The following RASA2 variants were observed in gnomAD, a reference collection of about 807,000 sequenced individuals.
RASA2 encodes ras GTPase-activating protein 2.
RASA2 carries 155 observed loss-of-function variants against 118.2 expected under a neutral mutation model. That is an observed-to-expected ratio of 1.31 (90% CI 1.15 to 1.50). The LOEUF (loss-of-function observed/expected upper bound fraction) is 1.50, where lower values mean the gene tolerates loss of function less well. Ranked by LOEUF, RASA2 falls within the 40% of genes most tolerant of loss-of-function variation. RASA2 has a pLI of 0.00. For synonymous variants in RASA2, 353 were observed against 349.1 expected, an observed-to-expected ratio of 1.01 and a Z score of -0.12; for missense variants, 1,016 against 1,009.6, an observed-to-expected ratio of 1.01 and a Z score of -0.09.
intron 4 of RASA2, among the ~76,000 whole-genome samples, chr3:141,532,679 T>G (rs549033843): frequency 6.6e-6 from 1 of 152,286 alleles, no homozygotes; most frequent in East Asian, 1.9e-4. Flanking sequence ...GGTTTGTTTG[T>G]TTTTGGTTGA....
intron 1 of RASA2, among the ~76,000 whole-genome samples, chr3:141,487,641 C>T (rs2081594560): frequency 6.6e-6 from 1 of 151,946 alleles, no homozygotes; most frequent in Admixed American, 6.5e-5. Flanking sequence ...GCGGTGGGAG[C>T]CGAGCAGTAA....
rs2083709809 is a variant in RASA2 at position 141,615,151 on chromosome 3, A to T, written c.*2838A>T. The T allele has an allele frequency of 6.6e-6, 1 of 152,208 alleles. No individual in the cohort carries two copies. The highest frequency in any genetic ancestry group is 6.5e-5 in the Admixed American group (1 of 15,270). The allele number at this position is 152,208 out of a possible 1,614,324, so 9.4% of individuals were successfully genotyped here. Reference sequence around the variant, plus strand: ...ATTTGGAAATTAATATGTTGCTAGTAAATATTGGTTTTTACAGTACCCAGT... The same window carrying T: ...ATTTGGAAATTAATATGTTGCTAGTTAATATTGGTTTTTACAGTACCCAGT... On this transcript the variant is annotated 3_prime_UTR_variant, in exon 24 of 24. Transcript: ENST00000286364.
chr3:141,559,398 T>G (rs916674850), intron 8 of RASA2, among the ~76,000 whole-genome samples: 1 of 152,134 alleles, frequency 6.6e-6, no homozygotes, highest in Non-Finnish European at 1.5e-5. Context: ...TTGTGCTGTT[T>G]CCTGGGTCTT....
intron 1 of RASA2, among the ~76,000 whole-genome samples, chr3:141,508,424 G>T (rs1007681840): frequency 6.7e-6 from 1 of 149,608 alleles, no homozygotes. Flanking sequence ...TTGCTCTTTT[G>T]TCCCAGGCTG....
chr3:141,597,144 A>G (rs2083386411), intron 19 of RASA2, among the ~76,000 whole-genome samples: 1 of 152,238 alleles, frequency 6.6e-6, no homozygotes, highest in Non-Finnish European at 1.5e-5. Context: ...CTCACATCTG[A>G]AATCCCAGCA....
chr3:141,585,961 TA>T, intron 17 of RASA2, 63 bp from the exon 18 acceptor site: 1 of 1,332,024 alleles, frequency 7.5e-7, no homozygotes, highest in Non-Finnish European at 1.0e-6. Flanking sequence ...ACATGTAAGA[TA>T]AACTGAATTT....
At chr3:141,518,171 A>G (rs1405901282) in intron 3 of RASA2, among the ~76,000 whole-genome samples, 2 of 151,826 alleles carry the variant, frequency 1.3e-5, no homozygotes, top group African/African-American at 4.8e-5. Flanking sequence ...AATATGGTCA[A>G]GTCTCCTACA....
intron 23 of RASA2, among the ~76,000 whole-genome samples, chr3:141,611,883 G>T (rs1391738465): frequency 2.6e-5 from 4 of 152,108 alleles, no homozygotes; most frequent in Admixed American, 2.6e-4. Context: ...GCCCTGGGAA[G>T]TTTCCATATG....
chr3:141,498,026 A>C (rs1252076474), intron 1 of RASA2, among the ~76,000 whole-genome samples: 1 of 152,216 alleles, frequency 6.6e-6, no homozygotes. Context: ...CCTTTAAAAT[A>C]TGACATTTGT....
intron 15 of RASA2, among the ~76,000 whole-genome samples, chr3:141,580,085 A>AAAAAATATATAT (rs1553797703): frequency 1.7e-5 from 1 of 59,618 alleles, no homozygotes; most frequent in Non-Finnish European, 2.9e-5. Flanking sequence ...AAAAAAAAAA[A>AAAAAATATATAT]ATATATATAT....
At chr3:141,551,112 A>G (rs576387834) in intron 5 of RASA2, among the ~76,000 whole-genome samples, 2 of 152,114 alleles carry the variant, frequency 1.3e-5, no homozygotes, top group East Asian at 1.9e-4. Flanking sequence ...AGTTCCTTGC[A>G]TTCCTGGTTA....
In RASA2 at chr3:141,571,504, A is replaced by G. The variant is rs775678619; in HGVS notation, c.1119A>G (p.Lys373=). The G allele has an allele frequency of 1.2e-5, 19 of 1,612,714 alleles. No homozygotes were observed. The Admixed American group carries it at 3.0e-4, about 26-fold the overall frequency. ...TACGACTGCTGCTGCACCATGATAA[A>G]CTTGTTCCTTTTGCCACTGCTGTGG... ...PLVRLLLHHD[K]LVPFATAVAE... is the part of the protein sequence containing the mutation. Residue 373 remains lysine, a synonymous_variant, in exon 11 of 24, where the codon AAA becomes AAG. Coordinates refer to ENST00000286364, the MANE Select transcript of RASA2 (RefSeq NM_006506.5).
intron 19 of RASA2, among the ~76,000 whole-genome samples, chr3:141,587,713 CAAAAAAAAAA>C (rs1156964232): frequency 3.6e-5 from 2 of 55,846 alleles, no homozygotes; most frequent in Non-Finnish European, 4.0e-5. Context: ...GACTCCATCT[CAAAAAAAAAA>C]AAAAAAAAAA....
intron 19 of RASA2, among the ~76,000 whole-genome samples, chr3:141,589,149 T>G (rs184051808): frequency 3.7e-4 from 56 of 152,212 alleles, no homozygotes; most frequent in African/African-American, 1.3e-3. Context: ...CAGATAGCAT[T>G]TTTTAAGCTA....
chr3:141,599,937 A>T (rs1322987706), intron 19 of RASA2, among the ~76,000 whole-genome samples: 1 of 152,250 alleles, frequency 6.6e-6, no homozygotes, highest in Non-Finnish European at 1.5e-5. Context: ...TCACAGTAAT[A>T]CAAAACACAG....
chr3:141,605,662 C>A (rs781525354), intron 19 of RASA2, among the ~76,000 whole-genome samples: 1 of 151,952 alleles, frequency 6.6e-6, no homozygotes, highest in Non-Finnish European at 1.5e-5. Context: ...TCTCTTCCCC[C>A]CCAATTTCTT....
In RASA2 at chr3:141,593,339, G is replaced by A. The variant is rs555349253; in HGVS notation, c.1933+6587G>A. 2.9e-3 allele frequency among the ~76,000 whole-genome samples: 447 copies of A among 152,156 alleles called. 2 individuals are homozygous for A. Among genetic ancestry groups the A allele is most frequent in the African/African-American group, 9.9e-3 (412 of 41,506 alleles). ...TGGGATTACAGGCATGAGCCACTGC[G>A]CCCGGCCTAAGATTTATTTTTATAC... is the stretch of plus-strand genomic sequence containing the variant. On this transcript the variant is annotated intron_variant, in intron 19 of 23. Transcript: ENST00000286364.
chr3:141,608,399 A>C (rs2083582124), intron 20 of RASA2, 90 bp from the exon 21 acceptor site: 2 of 1,244,920 alleles, frequency 1.6e-6, no homozygotes, highest in East Asian at 2.4e-5. Context: ...CCAAGCAACT[A>C]GATTCCTTTA....
intron 19 of RASA2, among the ~76,000 whole-genome samples, chr3:141,594,278 C>T (rs1328976706): frequency 6.6e-6 from 1 of 152,040 alleles, no homozygotes; most frequent in African/African-American, 2.4e-5. Context: ...ACCTCAGTGA[C>T]CCTTTAGTAC....
Sources: allele counts gnomAD v4.1 joint callset (sites outside exome capture counted in the v4.1 genomes callset), GRCh38; gene constraint gnomAD v4.1.1; transcripts MANE v1.5; gene names NCBI Gene and HGNC (gene_info 2026-07-23, HGNC 2026-07-21).